Variants in RARB observed in about 807,000 individuals in gnomAD.
The protein encoded by RARB is HBV-activated protein.
A neutral mutation model predicts 51.9 loss-of-function variants in RARB; 17 were observed. That is an observed-to-expected ratio of 0.33 (90% CI 0.22 to 0.49). RARB has a LOEUF of 0.49. Among genes scored for constraint, RARB ranks in the 20% least tolerant of loss-of-function variants. The pLI is 0.99. For missense variants in RARB, 369 were observed against 550.8 expected, an observed-to-expected ratio of 0.67 and a Z score of 3.30; for synonymous variants, 215 against 195.4, an observed-to-expected ratio of 1.10 and a Z score of -0.84.
intron 4 of RARB, among the ~76,000 whole-genome samples, chr3:25,580,146 G>A (rs939525065): frequency 8.5e-5 from 13 of 152,092 alleles, no homozygotes; most frequent in Non-Finnish European, 2.9e-5. Context: ...AGGCCGAGGC[G>A]GGTGAATCAT....
chr3:25,094,716 C>CAAAA (rs57477720), intron 3 of RARB, among the ~76,000 whole-genome samples: 1,457 of 42,734 alleles, frequency 0.034, 113 homozygotes, highest in African/African-American at 0.07. Context: ...GACCCCATCT[C>CAAAA]AAAAAAAAAA....
intron 2 of RARB, among the ~76,000 whole-genome samples, chr3:24,926,822 T>C (rs928064316): frequency 3.9e-5 from 6 of 152,120 alleles, no homozygotes; most frequent in African/African-American, 1.4e-4. Flanking sequence ...TGTATAGTTA[T>C]GATAAATTCC....
rs141000514 is a variant in RARB, at chr3:24,867,410, G to A, written c.-380+8658G>A. Among the ~76,000 whole-genome samples the A allele has an allele frequency of 6.9e-3, 1,046 of 152,204 alleles. 13 individuals carry two copies. Among genetic ancestry groups the A allele is most frequent in the African/African-American group, 0.024 (987 of 41,522 alleles). Reference sequence around the variant, plus strand: ...TTTTCTCACTATTAATAATTTTTGCGAAGGCAGCCTCACTTTCCTAGGAAA... The same window carrying A: ...TTTTCTCACTATTAATAATTTTTGCAAAGGCAGCCTCACTTTCCTAGGAAA... On this transcript the variant is annotated intron_variant, in intron 2 of 11. Transcript: ENST00000383772.
At chr3:25,011,723 T>C (rs547800446) in intron 2 of RARB, among the ~76,000 whole-genome samples, 1 of 152,290 alleles carries the variant, frequency 6.6e-6, no homozygotes, top group African/African-American at 2.4e-5. Context: ...GGTTTAAAGA[T>C]GGAAACAATG....
chr3:25,157,118 T>C (rs78835876), intron 4 of RARB, among the ~76,000 whole-genome samples: 3,313 of 152,248 alleles, frequency 0.022, 114 homozygotes, highest in African/African-American at 0.076. Context: ...CTGATATAAA[T>C]AAATGAATGG....
At chr3:24,864,292 T>G (rs767257894) in intron 2 of RARB, among the ~76,000 whole-genome samples, 2 of 152,186 alleles carry the variant, frequency 1.3e-5, no homozygotes, top group Non-Finnish European at 2.9e-5. Context: ...TTGCTGTGTT[T>G]ATCTTATCGA....
chr3:25,569,797 C>G lies in RARB; in HGVS notation c.488C>G (p.Ser163Trp), dbSNP rs372148180. The change falls in exon 4 of 8, where the codon TCG becomes TGG. Residue 163 changes from serine to tryptophan, a missense_variant. Transcript: ENST00000330688. ...AGGAACAAGAAAAAGAAGGAGACTT[C>G]GAAGCAAGAATGCACAGAGAGCTAT... is the stretch of plus-strand genomic sequence containing the variant. ...NDRNKKKKETSKQECTESYEM... is the reference protein window; with the variant it reads ...NDRNKKKKETWKQECTESYEM... 2 of 1,613,994 alleles carry G rather than the reference C, an allele frequency of 1.2e-6. No homozygotes were observed. The highest frequency in any genetic ancestry group is 1.7e-6 in the Non-Finnish European group (2 of 1,180,010).
intron 5 of RARB, among the ~76,000 whole-genome samples, chr3:25,320,951 C>A (rs1016521933): frequency 6.6e-6 from 1 of 152,148 alleles, no homozygotes; most frequent in Non-Finnish European, 1.5e-5. Flanking sequence ...GGTATCCACC[C>A]AACATTGATA....
chr3:24,839,526 C>A (rs1290132294), intron 1 of RARB, among the ~76,000 whole-genome samples: 34 of 130,610 alleles, frequency 2.6e-4, no homozygotes, highest in African/African-American at 1.0e-3. Flanking sequence ...ACAGAGAAAC[C>A]CTGTCTCTGA....
At chr3:25,494,253 G>GCACGCGCGTGCACTCACACACACA (rs1553623182) in intron 2 of RARB, among the ~76,000 whole-genome samples, 1 of 131,852 alleles carries the variant, frequency 7.6e-6, no homozygotes, top group African/African-American at 2.6e-5. Context: ...TGTATCTTAC[G>GCACGCGCGTGCACTCACACACACA]CACACACACA....
chr3:25,526,422 G>C (rs1698649918), intron 3 of RARB, among the ~76,000 whole-genome samples: 2 of 152,178 alleles, frequency 1.3e-5, no homozygotes, highest in Admixed American at 1.3e-4. Context: ...TACTGATTGT[G>C]TATTCTACTG....
At chr3:25,301,783 G>A (rs1415990659) in intron 5 of RARB, among the ~76,000 whole-genome samples, 1 of 152,172 alleles carries the variant, frequency 6.6e-6, no homozygotes, top group Non-Finnish European at 1.5e-5. Context: ...CAGCCACAGT[G>A]GAAAGTGGCA....
chr3:25,156,162 G>A (rs906273431), intron 4 of RARB, among the ~76,000 whole-genome samples: 2 of 152,234 alleles, frequency 1.3e-5, no homozygotes, highest in East Asian at 3.9e-4. Context: ...ATGTGGTGCC[G>A]AAGAATGTCG....
chr3:25,459,759 G>A (rs938848920), intron 1 of RARB, among the ~76,000 whole-genome samples: 6 of 152,168 alleles, frequency 3.9e-5, no homozygotes, highest in Non-Finnish European at 8.8e-5. Flanking sequence ...ATCTACTCTG[G>A]GAGATTATAA....
At chr3:25,580,171 G>A (rs1248750950) in intron 4 of RARB, among the ~76,000 whole-genome samples, 11 of 152,084 alleles carry the variant, frequency 7.2e-5, no homozygotes, top group Admixed American at 1.3e-4. Flanking sequence ...TCAGGAGATC[G>A]AGACCATCCT....
intron 2 of RARB, among the ~76,000 whole-genome samples, chr3:25,004,708 G>C (rs1477294323): frequency 6.6e-6 from 1 of 152,058 alleles, no homozygotes; most frequent in Non-Finnish European, 1.5e-5. Flanking sequence ...AAACTGTTCA[G>C]CCTCTACTCA....
intron 5 of RARB, among the ~76,000 whole-genome samples, chr3:25,289,771 T>A (rs1416870864): frequency 1.3e-5 from 2 of 152,104 alleles, no homozygotes; most frequent in African/African-American, 4.8e-5. Context: ...TTCCCTTTGG[T>A]TTCTTGGAAG....
At chr3:25,372,613 G>C (rs775463106) in intron 5 of RARB, among the ~76,000 whole-genome samples, 11 of 152,186 alleles carry the variant, frequency 7.2e-5, no homozygotes, top group Non-Finnish European at 1.6e-4. Flanking sequence ...CTTTAGCCCA[G>C]GAGTCTGAGA....
At chr3:25,161,501 C>T (rs1559487636) in intron 4 of RARB, among the ~76,000 whole-genome samples, 1 of 152,124 alleles carries the variant, frequency 6.6e-6, no homozygotes. Flanking sequence ...ACTCCATGTC[C>T]TTTTAATGTT....
Sources: gnomAD v4.1 joint callset for allele counts (sites outside exome capture counted in the v4.1 genomes callset) on GRCh38, gnomAD v4.1.1 for gene constraint, MANE v1.5 for transcripts, NCBI Gene and HGNC (gene_info 2026-07-23, HGNC 2026-07-21) for gene names.